Variants in PTTG1IP observed in about 807,000 individuals in gnomAD.
PTTG1IP encodes the protein PTTG1 interacting protein, also known as pituitary tumor-transforming gene 1 protein-interacting protein.
PTTG1IP carries 16 observed loss-of-function variants against 24.4 expected under a neutral mutation model. That is an observed-to-expected ratio of 0.66 (90% CI 0.44 to 1.00). The LOEUF is 1.00. PTTG1IP is among the 50% of genes least tolerant of loss of function. The probability of loss-of-function intolerance (pLI) is 0.00; values close to 1 mark genes in which losing one functional copy is unlikely to be tolerated. For missense variants in PTTG1IP, 241 were observed against 245.8 expected, an observed-to-expected ratio of 0.98 and a Z score of 0.13; for synonymous variants, 89 against 96.8, an observed-to-expected ratio of 0.92 and a Z score of 0.47.
In PTTG1IP at chr21:44,862,083, T is replaced by C. The variant is rs55745009; in HGVS notation, c.169-812A>G. On this transcript the variant is annotated intron_variant, in intron 2 of 5. Transcript: ENST00000330938. ...TGGAGACAACACCATCACACCCGTG[T>C]GTGTGTGTGTAAGAGCCCAGAGCTG... 5.6e-6 allele frequency: 3 copies of C among 537,130 alleles called. No homozygotes were observed. In the African/African-American group the frequency reaches 5.7e-5, roughly 10 times the overall value. The allele number at this position is 537,130 out of a possible 1,614,324, so 33.3% of individuals were successfully genotyped here.
At chr21:44,866,245 A>C in intron 1 of PTTG1IP, among the ~76,000 whole-genome samples, 3 of 117,840 alleles carry the variant, frequency 2.5e-5, no homozygotes, top group Admixed American at 8.8e-5. Context: ...CTACTCCCCC[A>C]ATCCCATAAC....
At chr21:44,869,716 G>A (rs1474069407) in intron 1 of PTTG1IP, among the ~76,000 whole-genome samples, 1 of 152,192 alleles carries the variant, frequency 6.6e-6, no homozygotes, top group Non-Finnish European at 1.5e-5. Context: ...AGGGCATCCA[G>A]GACTTCACTG....
Position 44,851,170 on chromosome 21 carries a change from A to G in PTTG1IP, c.*411T>C, listed in dbSNP as rs2083407445. ...GGGCTGGTCAGTTCTCCTCATGACAAAAGTCAAACCGACTTCCCTGTGTTG... is the reference window on the plus strand; with the variant it reads ...GGGCTGGTCAGTTCTCCTCATGACAGAAGTCAAACCGACTTCCCTGTGTTG... On this transcript the variant is annotated 3_prime_UTR_variant, in exon 6 of 6. Transcript: ENST00000330938. 3 of 685,060 alleles carry G rather than the reference A, an allele frequency of 4.4e-6. No individual in the cohort carries two copies. In the East Asian group the frequency reaches 8.4e-5, roughly 19 times the overall value. 42.4% of individuals were successfully genotyped at this position (685,060 alleles called of 1,614,324 possible). A position where few individuals can be genotyped will look rare whatever the true frequency, so the allele number is the denominator to read the frequency against.
intron 1 of PTTG1IP, 70 bp downstream of exon 1, chr21:44,873,432 C>A: frequency 8.1e-7 from 1 of 1,230,840 alleles, no homozygotes; most frequent in South Asian, 3.0e-5. Flanking sequence ...GAAACCCCGA[C>A]CCCGACCCCG....
Position 44,850,575 on chromosome 21 carries a change from C to T in PTTG1IP, c.*1006G>A, listed in dbSNP as rs1411900757. 6.6e-6 allele frequency: 1 copy of T among 152,310 alleles called. No homozygotes were observed. Among genetic ancestry groups the T allele is most frequent in the South Asian group, 2.1e-4 (1 of 4,834 alleles). 9.4% of individuals were successfully genotyped at this position (152,310 alleles called of 1,614,324 possible). A position where few individuals can be genotyped will look rare whatever the true frequency, so the allele number is the denominator to read the frequency against. On this transcript the variant is annotated 3_prime_UTR_variant, in exon 6 of 6. Coordinates refer to ENST00000330938, the MANE Select transcript of PTTG1IP (RefSeq NM_004339.4). ...GAGCCCTCAGCTGACTCTGGACACA[C>T]CTGCTTCCGGGGCACGTGGCCCAGA...
At chr21:44,855,977 G>A (rs1221049006) in intron 4 of PTTG1IP, among the ~76,000 whole-genome samples, 2 of 152,194 alleles carry the variant, frequency 1.3e-5, no homozygotes, top group African/African-American at 4.8e-5. Flanking sequence ...GACACCGGGC[G>A]AGGAAGCCTA....
rs1223504958 is a variant in PTTG1IP, at chr21:44,865,428, G to C, written c.135C>G (p.Asn45Lys). The C allele has an allele frequency of 6.2e-7, 1 of 1,614,190 alleles. No homozygotes were observed. The highest frequency in any genetic ancestry group is 1.7e-5 in the Admixed American group (1 of 60,028). Residue 45 changes from asparagine (N) to lysine (K), a missense_variant, in exon 2 of 6, where the codon AAC (asparagine) becomes AAG (lysine). Transcript: ENST00000330938. Reference sequence around the variant, plus strand: ...TCTTCAGGCACTCTTCACAGGTTTTGTTTGTGTTCTGAGAACAAGCTGCAG... The same window carrying C: ...TCTTCAGGCACTCTTCACAGGTTTTCTTTGTGTTCTGAGAACAAGCTGCAG... ...PPGAACSQNT[N>K]KTCEECLKNV...
chr21:44,863,272 A>G (rs1459249132), intron 2 of PTTG1IP, among the ~76,000 whole-genome samples: 5,106 of 100,726 alleles, frequency 0.051, 518 homozygotes, highest in South Asian at 0.066. Context: ...GGCCTCGGCA[A>G]CACAGAGACA....
At chr21:44,851,650 C>A in intron 5 of PTTG1IP, 23 bp from the exon 6 acceptor site, 2 of 1,552,966 alleles carry the variant, frequency 1.3e-6, no homozygotes, top group South Asian at 2.4e-5. Context: ...AAACTTGAAT[C>A]ATAACTTCAT....
At chr21:44,856,172 C>A (rs760825897) in intron 4 of PTTG1IP, 21 bp downstream of exon 4, 3 of 1,613,910 alleles carry the variant, frequency 1.9e-6, no homozygotes, top group East Asian at 2.2e-5. Flanking sequence ...ACCTTCCCAG[C>A]GGGCATCACC....
At chr21:44,867,033 T>C (rs529207995) in intron 1 of PTTG1IP, among the ~76,000 whole-genome samples, 14 of 152,294 alleles carry the variant, frequency 9.2e-5, no homozygotes, top group Non-Finnish European at 2.1e-4. Flanking sequence ...GCAGGAAGGC[T>C]CCGTGACAGC....
In PTTG1IP at chr21:44,873,501, C is replaced by A; in HGVS notation, c.115+1G>T. 7.0e-7 allele frequency: 1 copy of A among 1,435,600 alleles called. No individual in the cohort carries two copies. The highest frequency in any genetic ancestry group is 9.1e-7 in the Non-Finnish European group (1 of 1,099,644). 88.9% of individuals were successfully genotyped at this position (1,435,600 alleles called of 1,614,324 possible). A position where few individuals can be genotyped will look rare whatever the true frequency, so the allele number is the denominator to read the frequency against. On this transcript the variant is annotated splice_donor_variant, in intron 1 of 5. Transcript: ENST00000330938. LOFTEE classifies it high-confidence loss of function. ...GGCCCCGCCCGCCCCGGCGCCCTCA[C>A]CAGCTCCGGGAGGCTCCTGCGCGGC...
At chr21:44,872,633 G>A (rs567204613) in intron 1 of PTTG1IP, among the ~76,000 whole-genome samples, 39 of 152,250 alleles carry the variant, frequency 2.6e-4, no homozygotes, top group African/African-American at 8.9e-4. Context: ...AGGCCCTGGA[G>A]GCCCAGCCCC....
chr21:44,864,170 C>T (rs1297417142), intron 2 of PTTG1IP, among the ~76,000 whole-genome samples: 2 of 152,204 alleles, frequency 1.3e-5, no homozygotes, highest in African/African-American at 4.8e-5. Flanking sequence ...ATCAGGAATC[C>T]TAAGAAAAAG....
chr21:44,863,397 T>G (rs986513717), intron 2 of PTTG1IP, among the ~76,000 whole-genome samples: 1 of 152,136 alleles, frequency 6.6e-6, no homozygotes, highest in African/African-American at 2.4e-5. Context: ...AAACCTCCTG[T>G]GTGCCCAAGA....
In PTTG1IP at chr21:44,851,309, C is replaced by T. The variant is rs2083408554; in HGVS notation, c.*272G>A. 6.8e-7 allele frequency: 1 copy of T among 1,467,742 alleles called. No individual in the cohort carries two copies. The highest frequency in any genetic ancestry group is 9.0e-7 in the Non-Finnish European group (1 of 1,105,698). The allele number at this position is 1,467,742 out of a possible 1,614,324, so 90.9% of individuals were successfully genotyped here. A position where few individuals can be genotyped will look rare whatever the true frequency, so the allele number is the denominator to read the frequency against. ...TCGTGTGCAGTTAGCGTTTCACAAACTGAGAAGAGTATAAAAAAGCCCAAA... is the reference window on the plus strand; with the variant it reads ...TCGTGTGCAGTTAGCGTTTCACAAATTGAGAAGAGTATAAAAAAGCCCAAA... On this transcript the variant is annotated 3_prime_UTR_variant, in exon 6 of 6. Coordinates refer to ENST00000330938, the MANE Select transcript of PTTG1IP (RefSeq NM_004339.4).
intron 1 of PTTG1IP, among the ~76,000 whole-genome samples, chr21:44,869,694 G>A (rs1456725368): frequency 6.6e-6 from 1 of 152,204 alleles, no homozygotes; most frequent in African/African-American, 2.4e-5. Context: ...CAGAGCCAAT[G>A]TTGAGAATGG....
chr21:44,866,554 TAAC>T (rs1257909939), intron 1 of PTTG1IP, among the ~76,000 whole-genome samples: 1 of 92,026 alleles, frequency 1.1e-5, no homozygotes, highest in Admixed American at 1.5e-4. Flanking sequence ...CCCAATCCCG[TAAC>T]ACACACACAG....
chr21:44,870,525 C>CAAAAAAAAAAAAAAAAAAAAAAAA (rs60436978), intron 1 of PTTG1IP, among the ~76,000 whole-genome samples: 1 of 76,964 alleles, frequency 1.3e-5, no homozygotes. Flanking sequence ...GACTCCATCT[C>CAAAAAAAAAAAAAAAAAAAAAAAA]AAAAAAAAAA....
Sources: allele counts gnomAD v4.1 joint callset (sites outside exome capture counted in the v4.1 genomes callset), GRCh38; gene constraint gnomAD v4.1.1; transcripts MANE v1.5; gene names NCBI Gene and HGNC (gene_info 2026-07-23, HGNC 2026-07-21).